Variants in BMP10 observed in about 807,000 individuals in gnomAD.
BMP10 encodes the protein bone morphogenetic protein 10.
Under a neutral mutation model 29.9 loss-of-function variants are expected in BMP10, and 9 were observed. That is an observed-to-expected ratio of 0.30 (90% confidence interval 0.18 to 0.53). BMP10 has a LOEUF of 0.53. Among genes scored for constraint, BMP10 ranks in the 20% least tolerant of loss-of-function variants. BMP10 has a pLI of 0.96. For synonymous variants in BMP10, 202 were observed against 200.2 expected, an observed-to-expected ratio of 1.01 and a Z score of -0.07; for missense variants, 474 against 524.3, an observed-to-expected ratio of 0.90 and a Z score of 0.94.
chr2:68,867,848 A>G (rs545348488), intron 1 of BMP10, among the ~76,000 whole-genome samples: 37 of 152,218 alleles, frequency 2.4e-4, no homozygotes, highest in African/African-American at 8.9e-4. Flanking sequence ...CTTATTATCT[A>G]TTTTAGACTG....
In BMP10 at chr2:68,865,864, C is replaced by T. The variant is rs1682939690; in HGVS notation, c.1042G>A (p.Glu348Lys). ...CAAACACCACGGCATTCATAGGCTT[C>T]GTATCCAGGCGGAGCGATGATCCAG... The part of the protein sequence containing the change: ...DSWIIAPPGY[E>K]AYECRGVCNY... Residue 348 changes from glutamate to lysine, a missense_variant, in exon 2 of 2, where the codon GAA becomes AAA. Glu to Lys is a moderately conservative substitution (Grantham distance 56). Coordinates refer to ENST00000295379, the MANE Select transcript of BMP10 (RefSeq NM_014482.3). The surrounding 1 kb of genome is among the most constrained non-coding windows in gnomAD (Gnocchi z 4.7). 1.9e-6 allele frequency: 3 copies of T among 1,614,070 alleles called. No individual in the cohort carries two copies. The highest frequency in any genetic ancestry group is 2.5e-6 in the Non-Finnish European group (3 of 1,179,998).
chr2:68,867,291 A>G (rs1446713274), intron 1 of BMP10, among the ~76,000 whole-genome samples: 2 of 152,238 alleles, frequency 1.3e-5, no homozygotes, highest in African/African-American at 2.4e-5. Flanking sequence ...CCTTTACAGT[A>G]GAAACTTGCT....
Position 68,862,742 on chromosome 2 carries a change from G to A in BMP10, c.*2889C>T, listed in dbSNP as rs901893199. On this transcript the variant is annotated 3_prime_UTR_variant, in exon 2 of 2. Coordinates refer to ENST00000295379, the MANE Select transcript of BMP10 (RefSeq NM_014482.3). ...GAAAGTGACACCGGTGTGCTGCCGGGGTTCCGGTGGGAGCTGGGAGAACTC... is the reference window on the plus strand; with the variant it reads ...GAAAGTGACACCGGTGTGCTGCCGGAGTTCCGGTGGGAGCTGGGAGAACTC... 6.6e-6 allele frequency among the ~76,000 whole-genome samples: 1 copy of A among 152,150 alleles called. No individual in the cohort carries two copies. Among genetic ancestry groups the A allele is most frequent in the African/African-American group, 2.4e-5 (1 of 41,426 alleles).
rs1052831402 is a variant in BMP10, at chr2:68,861,246, G to C, written c.*4385C>G. Among the ~76,000 whole-genome samples, 1 of 152,240 alleles carries C rather than the reference G, an allele frequency of 6.6e-6. No individual in the cohort carries two copies. Among genetic ancestry groups the C allele is most frequent in the East Asian group, 1.9e-4 (1 of 5,180 alleles). On this transcript the variant is annotated 3_prime_UTR_variant, in exon 2 of 2. Coordinates refer to ENST00000295379, the MANE Select transcript of BMP10 (RefSeq NM_014482.3). The stretch of plus-strand genomic sequence containing the variant: ...CTGATTCGGTGTGTCTGTGGTGTTC[G>C]CTGATTTCCAATGTCCATGAATGCT...
Position 68,861,374 on chromosome 2 carries a change from A to C in BMP10, c.*4257T>G, listed in dbSNP as rs928078837. Among the ~76,000 whole-genome samples, 1 of 152,246 alleles carries C rather than the reference A, an allele frequency of 6.6e-6. No homozygotes were observed. Among genetic ancestry groups the C allele is most frequent in the African/African-American group, 2.4e-5 (1 of 41,464 alleles). ...TAAAAACATGCTGATCACAACAAAC[A>C]GTTATTCCATGATGGGTTTTTAACT... is the stretch of plus-strand genomic sequence containing the variant. On this transcript the variant is annotated 3_prime_UTR_variant, in exon 2 of 2. Coordinates refer to ENST00000295379, the MANE Select transcript of BMP10 (RefSeq NM_014482.3).
At position 68,866,351 on chromosome 2, in the gene BMP10, G is replaced by A. The variant is rs1682955209; in HGVS notation, c.555C>T (p.Val185=). Residue 185 remains valine, a synonymous_variant, in exon 2 of 2, where the codon GTC becomes GTT. Transcript: ENST00000295379. ...GDNEGERNML[V]LVSGEIYGTN... Reference sequence around the variant, plus strand: ...TTCCATATATCTCCCCAGACACCAAGACCAGCATGTTTCTTTCTCCCTCAT... The same window carrying A: ...TTCCATATATCTCCCCAGACACCAAAACCAGCATGTTTCTTTCTCCCTCAT... 3 of 1,613,738 alleles carry A rather than the reference G, an allele frequency of 1.9e-6. No individual in the cohort carries two copies. The highest frequency in any genetic ancestry group is 1.7e-6 in the Non-Finnish European group (2 of 1,179,946).
In BMP10 at chr2:68,864,050, A is replaced by C. The variant is rs1214954882; in HGVS notation, c.*1581T>G. On this transcript the variant is annotated 3_prime_UTR_variant, in exon 2 of 2. Transcript: ENST00000295379. ...GCTTGCCAGGTAGAGGGAAATGGTT[A>C]GGGGTTAAGACTGGAGGCTGCCACC... 6.6e-6 allele frequency among the ~76,000 whole-genome samples: 1 copy of C among 152,162 alleles called. No homozygotes were observed. Among genetic ancestry groups the C allele is most frequent in the Non-Finnish European group, 1.5e-5 (1 of 68,032 alleles).
intron 1 of BMP10, among the ~76,000 whole-genome samples, chr2:68,868,157 G>A (rs1304248908): frequency 6.6e-6 from 1 of 152,134 alleles, no homozygotes; most frequent in African/African-American, 2.4e-5. Flanking sequence ...TAATATTTGT[G>A]AACAATTGAA....
rs1244640788 is a variant in BMP10 at position 68,861,953 on chromosome 2, T to C, written c.*3678A>G. Reference sequence around the variant, plus strand: ...TCCAATTACAAATGAATTTGACCAATCACATCTCTGAATTTCTGGGTCAGT... The same window carrying C: ...TCCAATTACAAATGAATTTGACCAACCACATCTCTGAATTTCTGGGTCAGT... On this transcript the variant is annotated 3_prime_UTR_variant, in exon 2 of 2. Coordinates refer to ENST00000295379, the MANE Select transcript of BMP10 (RefSeq NM_014482.3). Among the ~76,000 whole-genome samples, 3 of 152,192 alleles carry C rather than the reference T, an allele frequency of 2.0e-5. No homozygotes were observed. The highest frequency in any genetic ancestry group is 4.4e-5 in the Non-Finnish European group (3 of 68,030).
chr2:68,871,157 G>C lies in BMP10; in HGVS notation c.202C>G (p.Leu68Val). The C allele has an allele frequency of 6.2e-7, 1 of 1,614,160 alleles. No homozygotes were observed. The highest frequency in any genetic ancestry group is 8.5e-7 in the Non-Finnish European group (1 of 1,180,028). Residue 68 changes from leucine to valine, a missense_variant, in exon 1 of 2, where the codon CTC (leucine) becomes GTC (valine). Coordinates refer to ENST00000295379, the MANE Select transcript of BMP10 (RefSeq NM_014482.3). ...MKDEFLKTLN[L>V]SDIPTQDSAK... is the part of the protein sequence containing the mutation. ...GAATCCTGCGTGGGGATGTCAGAGAGGTTTAGTGTCTTAAGAAACTCATCC... is the reference window on the plus strand; with the variant it reads ...GAATCCTGCGTGGGGATGTCAGAGACGTTTAGTGTCTTAAGAAACTCATCC...
chr2:68,867,909 T>C (rs1682996448), intron 1 of BMP10, among the ~76,000 whole-genome samples: 1 of 25,042 alleles, frequency 4.0e-5, no homozygotes, highest in African/African-American at 1.1e-4. Context: ...GATATTTATG[T>C]GTGTTTGCTA....
Position 68,866,535 on chromosome 2 carries a change from C to T in BMP10, c.371G>A (p.Arg124Gln), listed in dbSNP as rs777986452. Residue 124 changes from arginine (R) to glutamine (Q), a missense_variant, in exon 2 of 2, where the codon CGA becomes CAA. By Grantham distance (43) the Arg-to-Gln change is conservative (BLOSUM62 1). Coordinates refer to ENST00000295379, the MANE Select transcript of BMP10 (RefSeq NM_014482.3). ...CACATTGAAGAGGAGGGGGTATTTT[C>T]GGAGCCCATTAAAACTGACCGGCTG... is the stretch of plus-strand genomic sequence containing the variant. ...FSQPVSFNGLRKYPLLFNVSI... is the reference protein window; with the variant it reads ...FSQPVSFNGLQKYPLLFNVSI... The T allele has an allele frequency of 8.1e-6, 13 of 1,613,240 alleles. No individual in the cohort carries two copies. The highest frequency in any genetic ancestry group is 2.7e-5 in the African/African-American group (2 of 74,812).
In BMP10 at chr2:68,871,271, A is replaced by G; in HGVS notation, c.88T>C (p.Ser30Pro). Residue 30 changes from serine to proline, a missense_variant, in exon 1 of 2, where the codon TCT becomes CCT. By Grantham distance (74) the Ser-to-Pro change is moderately conservative. This residue lies in a region of BMP10 where 408 missense variants were observed against 415.3 expected (regional missense o/e 0.98). Coordinates refer to ENST00000295379, the MANE Select transcript of BMP10 (RefSeq NM_014482.3). ...AGGGACATATCTTCTTCCAGAGGAGACTGCTCTAGGTTCATGATGGGGCTG... is the reference window on the plus strand; with the variant it reads ...AGGGACATATCTTCTTCCAGAGGAGGCTGCTCTAGGTTCATGATGGGGCTG... ...SGSPIMNLEQ[S>P]PLEEDMSLFG... The G allele has an allele frequency of 6.2e-7, 1 of 1,614,096 alleles. No individual in the cohort carries two copies. The highest frequency in any genetic ancestry group is 8.5e-7 in the Non-Finnish European group (1 of 1,180,004).
chr2:68,866,093 A>G lies in BMP10; in HGVS notation c.813T>C (p.Asn271=). The G allele has an allele frequency of 6.2e-7, 1 of 1,614,092 alleles. No homozygotes were observed. ...SSDKERKEEL[N]EMISHEQLPE... ...GAAGTTGCTCATGGGAAATCATTTC[A>G]TTCAGTTCCTCCTTCCTCTCCTTGT... The change falls in exon 2 of 2, where the codon AAT becomes AAC. Residue 271 remains asparagine, a synonymous_variant. Coordinates refer to ENST00000295379, the MANE Select transcript of BMP10 (RefSeq NM_014482.3).
At chr2:68,866,978 C>A (rs145799602) in intron 1 of BMP10, among the ~76,000 whole-genome samples, 1 of 151,924 alleles carries the variant, frequency 6.6e-6, no homozygotes, top group Non-Finnish European at 1.5e-5. Flanking sequence ...TGAAGCTTTT[C>A]GGGGATGAGG....
intron 1 of BMP10, among the ~76,000 whole-genome samples, chr2:68,867,442 C>T (rs1031337151): frequency 6.6e-6 from 1 of 152,168 alleles, no homozygotes; most frequent in Admixed American, 6.5e-5. Context: ...AGATTGGTTG[C>T]CTTAGTCTTG....
At position 68,866,202 on chromosome 2, in the gene BMP10, C is replaced by A. The variant is rs746919370; in HGVS notation, c.704G>T (p.Ser235Ile). Residue 235 changes from serine to isoleucine, a missense_variant, in exon 2 of 2, where the codon AGC (serine) becomes ATC (isoleucine). Coordinates refer to ENST00000295379, the MANE Select transcript of BMP10 (RefSeq NM_014482.3). The part of the protein sequence containing the change: ...ESKHDEAEDA[S>I]SGRLEIDTSA... ...GGTATCTATTTCTAGCCGTCCACTG[C>A]TGGCATCCTCAGCTTCATCGTGTTT... is the stretch of plus-strand genomic sequence containing the variant. 10 of 1,614,112 alleles carry A rather than the reference C, an allele frequency of 6.2e-6. No homozygotes were observed. Among genetic ancestry groups the A allele is most frequent in the Non-Finnish European group, 8.5e-6 (10 of 1,179,990 alleles).
Position 68,861,782 on chromosome 2 carries a change from AT to A in BMP10, c.*3848del, listed in dbSNP as rs1396819026. On this transcript the variant is annotated 3_prime_UTR_variant, in exon 2 of 2. Transcript: ENST00000295379. The stretch of plus-strand genomic sequence containing the variant: ...TATAAATCATAACAAATACTGAAAC[AT>A]TTAGTAACAGTTCTTAAAAAAAAAA... 6.6e-6 allele frequency among the ~76,000 whole-genome samples: 1 copy of A among 152,122 alleles called. No individual in the cohort carries two copies. Among genetic ancestry groups the A allele is most frequent in the African/African-American group, 2.4e-5 (1 of 41,444 alleles).
intron 1 of BMP10, 23 bp from the exon 2 acceptor site, chr2:68,866,594 A>T (rs1558685305): frequency 6.3e-7 from 1 of 1,587,264 alleles, no homozygotes; most frequent in Non-Finnish European, 8.6e-7. Context: ...ATTTGCAAAA[A>T]TCAGGTTTGC....
Sources: gnomAD v4.1 joint callset for allele counts (sites outside exome capture counted in the v4.1 genomes callset) on GRCh38, gnomAD v4.1.1 for gene constraint, gnomAD v4.1.1 regional missense constraint, Gnocchi (gnomAD v3.1) non-coding constraint, MANE v1.5 for transcripts, NCBI Gene and HGNC (gene_info 2026-07-23, HGNC 2026-07-21) for gene names.